Variants in EML5 observed in about 807,000 individuals in gnomAD.
EML5 encodes the protein EMAP like 5.
EML5 carries 120 observed loss-of-function variants against 250.0 expected under a neutral mutation model. That is an observed-to-expected ratio of 0.48 (90% confidence interval 0.41 to 0.56). The LOEUF (loss-of-function observed/expected upper bound fraction) is 0.56, where lower values mean the gene tolerates loss of function less well. Among genes scored for constraint, EML5 ranks in the 20% least tolerant of loss-of-function variants. EML5 has a pLI of 0.00. For missense variants in EML5, 2,006 were observed against 2,437.6 expected (o/e 0.82, Z 3.73); for synonymous variants, 771 against 806.5 (o/e 0.96, Z 0.75).
intron 20 of EML5, among the ~76,000 whole-genome samples, chr14:88,684,010 A>C (rs950775368): frequency 1.1e-4 from 16 of 152,156 alleles, no homozygotes; most frequent in South Asian, 2.1e-4. Flanking sequence ...GACAAGAAGA[A>C]GTAAAACTAT....
rs781017277 is a variant in EML5, at chr14:88,627,027, T to A, written c.4551A>T (p.Arg1517Ser). 1.9e-6 allele frequency: 3 copies of A among 1,613,812 alleles called. No individual in the cohort carries two copies. In the Admixed American group the frequency reaches 5.0e-5, roughly 27 times the overall value. The change falls in exon 35 of 44, where the codon AGA (arginine) becomes AGT (serine). Residue 1517 changes from arginine (R) to serine (S), a missense_variant. Physicochemically the swap from Arg to Ser is moderately radical, Grantham distance 110 (BLOSUM62 -1). Coordinates refer to ENST00000554922, the MANE Select transcript of EML5 (RefSeq NM_183387.3). ...RWQEGAKIAS[R>S]AGHNQRIFVA... Reference sequence around the variant, plus strand: ...CAAAAATACGTTGATTGTGACCAGCTCTGCTGGCAATTTTGGCACCTGACA... The same window carrying A: ...CAAAAATACGTTGATTGTGACCAGCACTGCTGGCAATTTTGGCACCTGACA...
intron 7 of EML5, among the ~76,000 whole-genome samples, chr14:88,735,925 C>A (rs1245651291): frequency 6.6e-6 from 1 of 151,510 alleles, no homozygotes; most frequent in Non-Finnish European, 1.5e-5. Flanking sequence ...ACTAATAATT[C>A]TATTAATTTT....
At chr14:88,707,552 T>C (rs978252694) in intron 10 of EML5, among the ~76,000 whole-genome samples, 6 of 152,128 alleles carry the variant, frequency 3.9e-5, no homozygotes, top group African/African-American at 1.4e-4. Context: ...TTTTAAACAC[T>C]TTATATTAAG....
At chr14:88,663,288 CTAAG>C (rs1224305594) in intron 23 of EML5, among the ~76,000 whole-genome samples, 169 bp from the exon 24 acceptor site, 1 of 151,978 alleles carries the variant, frequency 6.6e-6, no homozygotes, top group African/African-American at 2.4e-5. Context: ...TTCCATATTA[CTAAG>C]TAACTAAATT....
Position 88,792,398 on chromosome 14 carries a change from T to C in EML5, c.106A>G (p.Ile36Val). The change falls in exon 1 of 44, where the codon ATC (isoleucine) becomes GTC (valine). Residue 36 changes from isoleucine (I) to valine (V), a missense_variant. By Grantham distance (29) the Ile-to-Val change is conservative (BLOSUM62 3). Coordinates refer to ENST00000554922, the MANE Select transcript of EML5 (RefSeq NM_183387.3). This position sits in a 1 kb window ranked among gnomAD's most constrained non-coding sequence, Gnocchi z 6.9. ...CCGACCCCCGCCACGAAGTATACGA[T>C]CTCCTTGGCCGCAGTGTAGTAGAGG... Reference protein sequence around the residue: ...NNLYYTAAKEIVYFVAGVGVV... With the variant: ...NNLYYTAAKEVVYFVAGVGVV... The C allele has an allele frequency of 6.4e-7, 1 of 1,569,534 alleles. No homozygotes were observed. Among genetic ancestry groups the C allele is most frequent in the Non-Finnish European group, 8.6e-7 (1 of 1,159,382 alleles).
chr14:88,683,320 T>G (rs1226624156), intron 20 of EML5, among the ~76,000 whole-genome samples: 1 of 152,142 alleles, frequency 6.6e-6, no homozygotes, highest in Non-Finnish European at 1.5e-5. Context: ...TAGGGAAGTA[T>G]CCCTTTAAAG....
At chr14:88,719,348 T>C (rs982560933) in intron 8 of EML5, among the ~76,000 whole-genome samples, 4 of 152,216 alleles carry the variant, frequency 2.6e-5, no homozygotes, top group African/African-American at 9.6e-5. Flanking sequence ...ATTGTGCTAC[T>C]GTACTCCAGC....
rs1050668099 is a variant in EML5 at position 88,704,776 on chromosome 14, C to T, written c.2051+84G>A. ...TTCGGATATGTCATTTCAGGGGATACAGTCAGTTCTATCATTAGAGATGTT... is the reference window on the plus strand; with the variant it reads ...TTCGGATATGTCATTTCAGGGGATATAGTCAGTTCTATCATTAGAGATGTT... On this transcript the variant is annotated intron_variant, in intron 13 of 43. Coordinates refer to ENST00000554922, the MANE Select transcript of EML5 (RefSeq NM_183387.3). 25 of 932,874 alleles carry T rather than the reference C, an allele frequency of 2.7e-5. No homozygotes were observed. The African/African-American group carries it at 4.1e-4, about 15-fold the overall frequency. The allele number at this position is 932,874 out of a possible 1,614,324, so 57.8% of individuals were successfully genotyped here.
intron 21 of EML5, 27 bp from the exon 22 acceptor site, chr14:88,665,516 A>G: frequency 6.2e-7 from 1 of 1,612,820 alleles, no homozygotes. Flanking sequence ...ATATTAGGCA[A>G]TTTTCCCTTT....
Position 88,681,955 on chromosome 14 carries a change from T to A in EML5, c.3059A>T (p.Lys1020Ile), listed in dbSNP as rs766146536. The A allele has an allele frequency of 7.4e-6, 12 of 1,613,656 alleles. No individual in the cohort carries two copies. The highest frequency in any genetic ancestry group is 1.0e-5 in the Non-Finnish European group (12 of 1,179,780). The change falls in exon 21 of 44, where the codon AAA becomes ATA. Residue 1020 changes from lysine to isoleucine, a missense_variant. By Grantham distance (102) the Lys-to-Ile change is moderately radical. Coordinates refer to ENST00000554922, the MANE Select transcript of EML5 (RefSeq NM_183387.3). The stretch of plus-strand genomic sequence containing the variant: ...TGAGAGATCCCATATTCTTAAGGTT[T>A]TATCATCGCTTACAGTAGCACAGAT... ...LPICATVSDD[K>I]TLRIWDLSPS... is the part of the protein sequence containing the mutation.
intron 6 of EML5, 111 bp from the exon 7 acceptor site, chr14:88,736,676 A>G: frequency 2.9e-6 from 3 of 1,020,100 alleles, no homozygotes; most frequent in Non-Finnish European, 4.4e-6. Context: ...GCCAACCTTC[A>G]AACCTAAGAC....
intron 11 of EML5, 178 bp from the exon 12 acceptor site, chr14:88,705,766 T>C (rs2093306439): frequency 1.5e-6 from 1 of 672,138 alleles, no homozygotes; most frequent in Non-Finnish European, 2.7e-6. Context: ...CAGATTATCT[T>C]CCTCTCCACT....
At chr14:88,616,524 G>A in intron 42 of EML5, 1 of 610,808 alleles carries the variant, frequency 1.6e-6, no homozygotes, top group Non-Finnish European at 2.8e-6. Flanking sequence ...TACAGCTTTT[G>A]TAGGATGGTT....
intron 14 of EML5, 86 bp downstream of exon 14, chr14:88,702,360 G>A (rs980427228): frequency 9.8e-7 from 1 of 1,019,232 alleles, no homozygotes; most frequent in Non-Finnish European, 1.4e-6. Flanking sequence ...TCATATCCTA[G>A]AACATAAAAG....
rs551670860 is a variant in EML5 at position 88,727,849 on chromosome 14, A to C, written c.1050-1171T>G. ...CAGTCTAGTGTTTAAAACTATCCAA[A>C]TTCAGAATCTGTTCCAGACCACAAT... is the stretch of plus-strand genomic sequence containing the variant. On this transcript the variant is annotated intron_variant, in intron 7 of 43. Transcript: ENST00000554922. Among the ~76,000 whole-genome samples, 28 of 152,344 alleles carry C rather than the reference A, an allele frequency of 1.8e-4. No homozygotes were observed. The South Asian group carries it at 5.6e-3, about 30-fold the overall frequency.
intron 27 of EML5, among the ~76,000 whole-genome samples, chr14:88,651,158 T>TC (rs771064599): frequency 3.2e-4 from 47 of 146,516 alleles, no homozygotes; most frequent in Middle Eastern, 3.5e-3. Flanking sequence ...CATTTTCTTT[T>TC]TTTTTTTTTT....
chr14:88,700,747 C>T (rs77314422), intron 14 of EML5, among the ~76,000 whole-genome samples: 157 of 152,156 alleles, frequency 1.0e-3, no homozygotes, highest in African/African-American at 3.6e-3. Context: ...TGAGGACAAA[C>T]GTTTCTCAGA....
At chr14:88,665,963 A>G (rs2092296924) in intron 21 of EML5, among the ~76,000 whole-genome samples, 1 of 152,180 alleles carries the variant, frequency 6.6e-6, no homozygotes, top group South Asian at 2.1e-4. Context: ...GCTTCAAATC[A>G]ATATTAAAAA....
At chr14:88,784,999 T>G (rs1348882599) in intron 1 of EML5, among the ~76,000 whole-genome samples, 1 of 152,018 alleles carries the variant, frequency 6.6e-6, no homozygotes, top group African/African-American at 2.4e-5. Flanking sequence ...CACAATGGAG[T>G]ACTAGTCAGC....
Sources: gnomAD v4.1 joint callset for allele counts (sites outside exome capture counted in the v4.1 genomes callset) on GRCh38, gnomAD v4.1.1 for gene constraint, Gnocchi (gnomAD v3.1) non-coding constraint, MANE v1.5 for transcripts, NCBI Gene and HGNC (gene_info 2026-07-23, HGNC 2026-07-21) for gene names.